The following HCN1 variants were observed in gnomAD, a reference collection of about 807,000 sequenced individuals.
The protein encoded by HCN1 is potassium/sodium hyperpolarization-activated cyclic nucleotide-gated channel 1.
A neutral mutation model predicts 78.9 loss-of-function variants in HCN1; 13 were observed. The ratio of observed to expected loss-of-function variants is 0.16; its 90% CI spans 0.11 to 0.26. The LOEUF is 0.26. Among genes scored for constraint, HCN1 ranks in the 10% least tolerant of loss-of-function variants. The pLI, the probability that HCN1 is intolerant of heterozygous loss-of-function variation, is 1.00. For synonymous variants in HCN1, 552 were observed against 455.5 expected, an observed-to-expected ratio of 1.21 and a Z score of -2.70; for missense variants, 810 against 1,154.3, an observed-to-expected ratio of 0.70 and a Z score of 4.32.
At chr5:45,553,303 C>T (rs898888214) in intron 2 of HCN1, among the ~76,000 whole-genome samples, 4 of 151,840 alleles carry the variant, frequency 2.6e-5, no homozygotes, top group African/African-American at 4.8e-5. Flanking sequence ...AGATTGGCTA[C>T]ATCCTCTCTT....
chr5:45,281,255 G>T (rs190913092), intron 6 of HCN1, among the ~76,000 whole-genome samples: 9 of 151,902 alleles, frequency 5.9e-5, no homozygotes, highest in Admixed American at 3.9e-4. Flanking sequence ...CTGTTGTCAT[G>T]GTAATGAGTG....
At position 45,660,904 on chromosome 5, in the gene HCN1, A is replaced by G. The variant is rs1162471168; in HGVS notation, c.426-15296T>C. Among the ~76,000 whole-genome samples, 24 of 99,730 alleles carry G rather than the reference A, an allele frequency of 2.4e-4. 1 individual carries two copies. The highest frequency in any genetic ancestry group is 9.8e-4 in the African/African-American group (24 of 24,612). 65.4% of individuals were successfully genotyped at this position (99,730 alleles called of 152,430 possible). A position where few individuals can be genotyped will look rare whatever the true frequency, so the allele number is the denominator to read the frequency against. On this transcript the variant is annotated intron_variant, in intron 1 of 7. Transcript: ENST00000303230. ...ACATTAGACAGATCAACGAGACAGA[A>G]AGTCAACAAGGATACCCAGGAATTG...
rs1747205625 is a variant in HCN1 at position 45,365,035 on chromosome 5, G to T, written c.1231-11789C>A. 3.3e-5 allele frequency among the ~76,000 whole-genome samples: 5 copies of T among 151,880 alleles called. 1 individual carries two copies. In the South Asian group the frequency reaches 1.0e-3, roughly 32 times the overall value. ...AGCTTCCTGAAGGTGTTCAATAATT[G>T]ATTAATTAATATGTTCTAAAATATT... On this transcript the variant is annotated intron_variant, in intron 4 of 7. Transcript: ENST00000303230.
chr5:45,488,527 C>A (rs1466947939), intron 2 of HCN1, among the ~76,000 whole-genome samples: 1 of 151,922 alleles, frequency 6.6e-6, no homozygotes, highest in Non-Finnish European at 1.5e-5. Flanking sequence ...CATTGAATTC[C>A]ATATAATATT....
chr5:45,548,985 T>G lies in HCN1; in HGVS notation c.850-86978A>C, dbSNP rs578052179. Reference sequence around the variant, plus strand: ...AGGAGAACTACAAACCACTGCTCAATGAAATAAAAGAGGATACAAACAAAT... The same window carrying G: ...AGGAGAACTACAAACCACTGCTCAAGGAAATAAAAGAGGATACAAACAAAT... On this transcript the variant is annotated intron_variant, in intron 2 of 7. Transcript: ENST00000303230. 6.0e-3 allele frequency among the ~76,000 whole-genome samples: 900 copies of G among 150,694 alleles called. 5 individuals carry two copies. The highest frequency in any genetic ancestry group is 0.015 in the African/African-American group (609 of 41,058).
intron 5 of HCN1, among the ~76,000 whole-genome samples, chr5:45,306,802 A>T (rs1370462404): frequency 6.6e-6 from 1 of 152,114 alleles, no homozygotes; most frequent in African/African-American, 2.4e-5. Flanking sequence ...TTATCAAAAT[A>T]TCAGGATTGA....
intron 5 of HCN1, among the ~76,000 whole-genome samples, chr5:45,311,823 C>T (rs968337080): frequency 5.9e-5 from 9 of 152,158 alleles, no homozygotes; most frequent in African/African-American, 1.7e-4. Context: ...GTACACTGGT[C>T]GCCTTGGAAC....
Position 45,373,107 on chromosome 5 carries a change from C to A in HCN1, c.1231-19861G>T, listed in dbSNP as rs531056497. Reference sequence around the variant, plus strand: ...ATAAAAATATAATATATATAAAATACATATAGTATATCATATATATAAAAT... The same window carrying A: ...ATAAAAATATAATATATATAAAATAAATATAGTATATCATATATATAAAAT... On this transcript the variant is annotated intron_variant, in intron 4 of 7. Coordinates refer to ENST00000303230, the MANE Select transcript of HCN1 (RefSeq NM_021072.4). 2.2e-4 allele frequency among the ~76,000 whole-genome samples: 27 copies of A among 124,302 alleles called. No individual in the cohort carries two copies. In the South Asian group the frequency reaches 4.8e-3, roughly 22 times the overall value. 81.5% of individuals were successfully genotyped at this position (124,302 alleles called of 152,430 possible).
At chr5:45,622,674 C>A (rs533316758) in intron 2 of HCN1, among the ~76,000 whole-genome samples, 121 of 151,940 alleles carry the variant, frequency 8.0e-4, no homozygotes, top group African/African-American at 2.7e-3. Context: ...TAAAAAGGAA[C>A]CCATCAACAT....
At chr5:45,467,619 T>C (rs1194063518) in intron 2 of HCN1, among the ~76,000 whole-genome samples, 1 of 152,060 alleles carries the variant, frequency 6.6e-6, no homozygotes, top group East Asian at 1.9e-4. Context: ...ATAGCAACCT[T>C]AGTTGAGGCC....
At chr5:45,657,712 T>C (rs1745802339) in intron 1 of HCN1, among the ~76,000 whole-genome samples, 1 of 152,130 alleles carries the variant, frequency 6.6e-6, no homozygotes, top group Non-Finnish European at 1.5e-5. Context: ...TAAGGAGAAC[T>C]ACAAACCACT....
At chr5:45,462,717 T>C (rs551393446) in intron 2 of HCN1, among the ~76,000 whole-genome samples, 1 of 152,212 alleles carries the variant, frequency 6.6e-6, no homozygotes, top group South Asian at 2.1e-4. Flanking sequence ...TATGGTAGGT[T>C]AGATTATTTC....
intron 3 of HCN1, among the ~76,000 whole-genome samples, chr5:45,422,605 T>G (rs1740251378): frequency 6.6e-6 from 1 of 152,142 alleles, no homozygotes; most frequent in Admixed American, 6.6e-5. Context: ...ACACTATTAT[T>G]AAATAATTAT....
At chr5:45,281,013 A>G (rs1239335228) in intron 6 of HCN1, among the ~76,000 whole-genome samples, 1 of 149,482 alleles carries the variant, frequency 6.7e-6, no homozygotes. Flanking sequence ...TTAGATTCAG[A>G]GGCAAAAAAA....
At chr5:45,519,094 T>G (rs1468366306) in intron 2 of HCN1, among the ~76,000 whole-genome samples, 1 of 151,830 alleles carries the variant, frequency 6.6e-6, no homozygotes, top group Non-Finnish European at 1.5e-5. Flanking sequence ...TAGCATAAAT[T>G]ATGGCCATAT....
At chr5:45,396,423 T>C in intron 4 of HCN1, 69 bp downstream of exon 4, 2 of 1,240,092 alleles carry the variant, frequency 1.6e-6, no homozygotes, top group Non-Finnish European at 2.3e-6. Context: ...GTAGTTATCT[T>C]GAACACAATT....
chr5:45,504,879 T>C (rs1456350592), intron 2 of HCN1, among the ~76,000 whole-genome samples: 1 of 152,244 alleles, frequency 6.6e-6, no homozygotes, highest in Non-Finnish European at 1.5e-5. Flanking sequence ...CATGTGTCTG[T>C]TGGCTGCATA....
Position 45,353,136 on chromosome 5 carries a change from T to G in HCN1, c.1341A>C (p.Glu447Asp). 1 of 1,611,830 alleles carries G rather than the reference T, an allele frequency of 6.2e-7. No homozygotes were observed. Among genetic ancestry groups the G allele is most frequent in the Non-Finnish European group, 8.5e-7 (1 of 1,178,598 alleles). The change falls in exon 5 of 8, where the codon GAA becomes GAC. Residue 447 changes from glutamate to aspartate, a missense_variant. By Grantham distance (45) the Glu-to-Asp change is conservative (BLOSUM62 2). Around this residue, in one of 6 missense-constraint regions of HCN1, gnomAD observed 100 missense variants for 126.8 expected, o/e 0.79. Coordinates refer to ENST00000303230, the MANE Select transcript of HCN1 (RefSeq NM_021072.4). ...HRYQGKIFDE[E>D]NILNELNDPL... is the part of the protein sequence containing the mutation. ...GATCATTGAGTTCATTGAGAATATT[T>G]TCCTCATCAAAGATTTTGCCTTGGT...
intron 2 of HCN1, among the ~76,000 whole-genome samples, chr5:45,476,540 C>T (rs912906098): frequency 6.6e-6 from 1 of 152,088 alleles, no homozygotes; most frequent in African/African-American, 2.4e-5. Context: ...TCTTTAAAAA[C>T]TTAGGTCTCA....
Sources: allele counts gnomAD v4.1 joint callset (sites outside exome capture counted in the v4.1 genomes callset), GRCh38; gene constraint gnomAD v4.1.1; regional missense constraint gnomAD v4.1.1; transcripts MANE v1.5; gene names NCBI Gene and HGNC (gene_info 2026-07-23, HGNC 2026-07-21).